CNBD1: variants seen among roughly 807,000 people sequenced by gnomAD.
CNBD1 encodes the protein cyclic nucleotide-binding domain-containing protein 1.
A neutral mutation model predicts 54.4 loss-of-function variants in CNBD1; 71 were observed. That is an observed-to-expected ratio of 1.30 (90% confidence interval 1.08 to 1.59). The LOEUF is 1.59. CNBD1 is among the 40% of genes most tolerant of loss of function. The pLI is 0.00. For missense variants in CNBD1, 659 were observed against 518.0 expected (o/e 1.27, Z -2.64); for synonymous variants, 182 against 170.7 (o/e 1.07, Z -0.51).
intron 4 of CNBD1, among the ~76,000 whole-genome samples, chr8:87,202,913 G>A (rs955723046): frequency 6.6e-6 from 1 of 152,102 alleles, no homozygotes; most frequent in East Asian, 1.9e-4. Context: ...TGTGGGGAGG[G>A]CAACTTTCCC....
intron 3 of CNBD1, among the ~76,000 whole-genome samples, chr8:86,938,279 G>A (rs112445584): frequency 1.3e-5 from 2 of 152,084 alleles, no homozygotes; most frequent in African/African-American, 4.8e-5. Context: ...CATTTGACAA[G>A]TCTCTAGGAA....
intron 4 of CNBD1, among the ~76,000 whole-genome samples, chr8:87,125,300 A>G (rs1157240484): frequency 6.6e-6 from 1 of 151,820 alleles, no homozygotes; most frequent in Admixed American, 6.6e-5. Flanking sequence ...TTAAATTTGT[A>G]TGGAAACACC....
At chr8:87,076,796 C>A (rs1810882944) in intron 4 of CNBD1, among the ~76,000 whole-genome samples, 1 of 152,138 alleles carries the variant, frequency 6.6e-6, no homozygotes. Flanking sequence ...ATAAAGCTCT[C>A]TGTGTCATAT....
chr8:87,289,467 A>G (rs1300773081), intron 8 of CNBD1, among the ~76,000 whole-genome samples: 2 of 152,126 alleles, frequency 1.3e-5, no homozygotes, highest in Non-Finnish European at 2.9e-5. Context: ...AGCTTAGGTC[A>G]CTAATCAACC....
chr8:87,235,135 C>A (rs1807559294), intron 5 of CNBD1, among the ~76,000 whole-genome samples: 1 of 152,158 alleles, frequency 6.6e-6, no homozygotes, highest in South Asian at 2.1e-4. Flanking sequence ...AGAAATAGGG[C>A]CTTGTTCTGG....
chr8:87,271,013 T>G (rs1388381005), intron 6 of CNBD1, among the ~76,000 whole-genome samples: 1 of 151,860 alleles, frequency 6.6e-6, no homozygotes, highest in Non-Finnish European at 1.5e-5. Context: ...GTTATATGTG[T>G]CCAGGAATTT....
At chr8:87,090,599 C>T (rs1233418304) in intron 4 of CNBD1, among the ~76,000 whole-genome samples, 1 of 151,632 alleles carries the variant, frequency 6.6e-6, no homozygotes, top group East Asian at 1.9e-4. Context: ...CAAAAGCTAT[C>T]TTCATTTGTC....
chr8:86,957,447 T>A (rs1161044311), intron 4 of CNBD1, among the ~76,000 whole-genome samples: 2 of 152,222 alleles, frequency 1.3e-5, no homozygotes, highest in East Asian at 3.8e-4. Flanking sequence ...CGGCTGTGAA[T>A]CCAGCTGGTC....
At chr8:87,269,597 A>C in intron 6 of CNBD1, among the ~76,000 whole-genome samples, 1 of 151,974 alleles carries the variant, frequency 6.6e-6, no homozygotes, top group South Asian at 2.1e-4. Flanking sequence ...GATTTCTTTC[A>C]GCAGTATTTT....
intron 10 of CNBD1, among the ~76,000 whole-genome samples, chr8:87,368,149 G>T (rs536607477): frequency 7.5e-6 from 1 of 133,248 alleles, no homozygotes; most frequent in South Asian, 2.2e-4. Flanking sequence ...GTGACAGAGC[G>T]AGATTCCATC....
intron 8 of CNBD1, among the ~76,000 whole-genome samples, chr8:87,313,815 C>G (rs1006238678): frequency 1.3e-5 from 2 of 151,858 alleles, no homozygotes; most frequent in African/African-American, 4.8e-5. Context: ...ATTTTACCTA[C>G]TCTTTTTACA....
chr8:87,316,729 C>T (rs919899630), intron 8 of CNBD1, among the ~76,000 whole-genome samples: 7 of 151,710 alleles, frequency 4.6e-5, no homozygotes, highest in Admixed American at 2.0e-4. Context: ...TGAGGAAGAT[C>T]ATAAGCAGAC....
At chr8:87,039,763 G>A (rs1250420899) in intron 4 of CNBD1, among the ~76,000 whole-genome samples, 1 of 152,158 alleles carries the variant, frequency 6.6e-6, no homozygotes, top group Non-Finnish European at 1.5e-5. Context: ...TTGGATAGGG[G>A]CCAGTGAACT....
intron 4 of CNBD1, among the ~76,000 whole-genome samples, chr8:87,099,034 CAAAAA>C (rs11402011): frequency 2.6e-4 from 6 of 23,062 alleles, no homozygotes; most frequent in South Asian, 2.3e-3. Flanking sequence ...GACTGTGTCT[CAAAAA>C]AAAAAAAAAA....
chr8:87,113,642 G>A (rs545804178), intron 4 of CNBD1, among the ~76,000 whole-genome samples: 97 of 152,230 alleles, frequency 6.4e-4, no homozygotes, highest in Admixed American at 1.0e-3. Flanking sequence ...ATGATGGGCC[G>A]GGCACGGTGA....
intron 1 of CNBD1, among the ~76,000 whole-genome samples, chr8:86,880,675 G>A (rs1586107618): frequency 1.3e-5 from 2 of 152,146 alleles, no homozygotes; most frequent in African/African-American, 2.4e-5. Flanking sequence ...GTCCTGAAGA[G>A]GAAAGGGTAG....
In CNBD1 at chr8:86,976,876, T is replaced by G. The variant is rs189568484; in HGVS notation, c.431+37122T>G. Among the ~76,000 whole-genome samples, 348 of 152,200 alleles carry G rather than the reference T, an allele frequency of 2.3e-3. 2 individuals are homozygous for G. Among genetic ancestry groups the G allele is most frequent in the Middle Eastern group, 0.01 (3 of 294 alleles). The stretch of plus-strand genomic sequence containing the variant: ...GATACTGATTGCTTTATGTTGGTTT[T>G]GTGACCTACTAATTTACTAAGTTTG... On this transcript the variant is annotated intron_variant, in intron 4 of 10. Transcript: ENST00000518476.
At chr8:87,091,816 G>A (rs1027179191) in intron 4 of CNBD1, among the ~76,000 whole-genome samples, 1 of 151,888 alleles carries the variant, frequency 6.6e-6, no homozygotes, top group Non-Finnish European at 1.5e-5. Flanking sequence ...TGCATTAAAG[G>A]TGGCATTTTA....
At chr8:87,417,203 C>T (rs1443227632) in intron 2 of CNBD1, among the ~76,000 whole-genome samples, 1 of 151,908 alleles carries the variant, frequency 6.6e-6, no homozygotes, top group African/African-American at 2.4e-5. Context: ...AGCAAAGGCA[C>T]ATCTTACATA....
Sources: gnomAD v4.1 joint callset for allele counts (sites outside exome capture counted in the v4.1 genomes callset) on GRCh38, gnomAD v4.1.1 for gene constraint, MANE v1.5 for transcripts, NCBI Gene and HGNC (gene_info 2026-07-23, HGNC 2026-07-21) for gene names.